PXDNL: variants seen among roughly 807,000 people sequenced by gnomAD.
PXDNL encodes the protein peroxidasin like.
In PXDNL, 145 loss-of-function variants were observed where a neutral mutation model predicts 150.8. That is an observed-to-expected ratio of 0.96 (90% CI 0.84 to 1.10). PXDNL has a LOEUF of 1.10. Ranked by LOEUF, PXDNL falls within the 50% of genes least tolerant of loss-of-function variation. The pLI is 0.00. For missense variants in PXDNL, 2,087 were observed against 1,873.9 expected (o/e 1.11, Z -2.10); for synonymous variants, 757 against 725.7 (o/e 1.04, Z -0.69).
intron 3 of PXDNL, among the ~76,000 whole-genome samples, chr8:51,579,199 A>G (rs1813153745): frequency 6.6e-6 from 1 of 152,070 alleles, no homozygotes; most frequent in Non-Finnish European, 1.5e-5. Flanking sequence ...ATATTTGAAA[A>G]GTACATATCT....
chr8:51,782,289 G>A (rs557369494), intron 1 of PXDNL, among the ~76,000 whole-genome samples: 28 of 152,256 alleles, frequency 1.8e-4, no homozygotes, highest in African/African-American at 6.5e-4. Context: ...AGCACCTCCA[G>A]GTTCAAGGAG....
chr8:51,513,094 T>A (rs2130352843), intron 4 of PXDNL, among the ~76,000 whole-genome samples: 1 of 152,326 alleles, frequency 6.6e-6, no homozygotes. Flanking sequence ...ATCAGGAAGC[T>A]AAGATTTGTT....
intron 14 of PXDNL, among the ~76,000 whole-genome samples, chr8:51,420,394 T>A (rs2129707476): frequency 6.6e-6 from 1 of 152,360 alleles, no homozygotes; most frequent in African/African-American, 2.4e-5. Context: ...ACACTCCTTG[T>A]CTTGGATCTT....
intron 1 of PXDNL, among the ~76,000 whole-genome samples, chr8:51,671,646 C>T (rs1189015662): frequency 6.6e-6 from 1 of 152,170 alleles, no homozygotes; most frequent in Admixed American, 6.5e-5. Context: ...AGGCCCCTGT[C>T]TCTCCAGACT....
intron 1 of PXDNL, among the ~76,000 whole-genome samples, chr8:51,689,627 G>A (rs193045416): frequency 3.2e-4 from 48 of 151,598 alleles, no homozygotes; most frequent in African/African-American, 1.1e-3. Context: ...ACCCCAGTGC[G>A]CCCTATGCTG....
chr8:51,417,269 G>A (rs1658687395), intron 14 of PXDNL, among the ~76,000 whole-genome samples: 2 of 152,300 alleles, frequency 1.3e-5, no homozygotes, highest in South Asian at 4.1e-4. Flanking sequence ...TAATAAAAAT[G>A]AGAAAAAGGC....
chr8:51,788,879 C>T (rs1458632728), intron 1 of PXDNL, among the ~76,000 whole-genome samples: 4 of 152,194 alleles, frequency 2.6e-5, no homozygotes, highest in African/African-American at 4.8e-5. Context: ...GCTTCAGTTC[C>T]GCACTAACTG....
In PXDNL at chr8:51,357,228, G is replaced by A. The variant is rs79341511; in HGVS notation, c.3902-11281C>T. The stretch of plus-strand genomic sequence containing the variant: ...CCAGAGTGCTGTATTAATGGACTAA[G>A]TTATAAGTATACTGGTTTTCTCCTA... On this transcript the variant is annotated intron_variant, in intron 19 of 22. Transcript: ENST00000356297. 5.1e-3 allele frequency among the ~76,000 whole-genome samples: 774 copies of A among 152,324 alleles called. 3 individuals are homozygous for A. Among genetic ancestry groups the A allele is most frequent in the African/African-American group, 0.018 (730 of 41,570 alleles).
chr8:51,394,018 T>C (rs1344755819), intron 17 of PXDNL, among the ~76,000 whole-genome samples: 1 of 152,190 alleles, frequency 6.6e-6, no homozygotes, highest in Non-Finnish European at 1.5e-5. Context: ...ATCATATAGA[T>C]TCAGATTAAA....
intron 1 of PXDNL, among the ~76,000 whole-genome samples, chr8:51,743,791 C>T (rs2036932375): frequency 6.6e-6 from 1 of 151,996 alleles, no homozygotes; most frequent in African/African-American, 2.4e-5. Flanking sequence ...GCTGGAATTA[C>T]AGGTGTGAGC....
intron 2 of PXDNL, among the ~76,000 whole-genome samples, chr8:51,622,137 G>A (rs576104753): frequency 3.3e-5 from 5 of 152,274 alleles, no homozygotes; most frequent in Admixed American, 6.5e-5. Context: ...CCAAGATGCA[G>A]GGGCCACCTG....
intron 2 of PXDNL, among the ~76,000 whole-genome samples, chr8:51,599,673 T>G (rs927042741): frequency 6.8e-6 from 1 of 146,986 alleles, no homozygotes; most frequent in Non-Finnish European, 1.5e-5. Context: ...CTTATATAAA[T>G]GATATCATTT....
intron 8 of PXDNL, among the ~76,000 whole-genome samples, chr8:51,463,034 C>G (rs775803146): frequency 2.6e-5 from 4 of 152,154 alleles, no homozygotes; most frequent in Non-Finnish European, 5.9e-5. Context: ...CCAAACTAAA[C>G]TTTATAAGTG....
At chr8:51,695,920 C>T (rs16916741) in intron 1 of PXDNL, among the ~76,000 whole-genome samples, 104,868 of 152,026 alleles carry the variant, frequency 0.69, 37,142 homozygotes, top group East Asian at 0.82. Context: ...CCAGCTTTTG[C>T]AGTTTCCTCG....
At chr8:51,586,771 G>A (rs556831304) in intron 3 of PXDNL, among the ~76,000 whole-genome samples, 24 of 152,308 alleles carry the variant, frequency 1.6e-4, no homozygotes, top group Non-Finnish European at 2.4e-4. Context: ...CTAAGTAGGT[G>A]AGTTTGTGCA....
intron 16 of PXDNL, among the ~76,000 whole-genome samples, chr8:51,409,888 G>A (rs116772313): frequency 0.012 from 1,901 of 152,196 alleles, 37 homozygotes; most frequent in African/African-American, 0.044. Flanking sequence ...GATTACTTTT[G>A]TGCTGTTCAT....
chr8:51,586,203 T>C (rs534792839), intron 3 of PXDNL, among the ~76,000 whole-genome samples: 2 of 152,308 alleles, frequency 1.3e-5, no homozygotes, highest in African/African-American at 4.8e-5. Flanking sequence ...CACTCATCCC[T>C]GACTATGCTA....
chr8:51,429,133 T>C (rs1220089375), intron 12 of PXDNL, among the ~76,000 whole-genome samples: 1 of 152,172 alleles, frequency 6.6e-6, no homozygotes, highest in Non-Finnish European at 1.5e-5. Flanking sequence ...CAATGTGATA[T>C]TACTACACAC....
chr8:51,742,394 T>C (rs1336574777), intron 1 of PXDNL, among the ~76,000 whole-genome samples: 2 of 152,158 alleles, frequency 1.3e-5, no homozygotes, highest in African/African-American at 4.8e-5. Flanking sequence ...AGTGTACACA[T>C]AAAAACAGAA....
Sources: allele counts gnomAD v4.1 joint callset (sites outside exome capture counted in the v4.1 genomes callset), GRCh38; gene constraint gnomAD v4.1.1; transcripts MANE v1.5; gene names NCBI Gene and HGNC (gene_info 2026-07-23, HGNC 2026-07-21).